The following RBFOX1 variants were observed in gnomAD, a reference collection of about 807,000 sequenced individuals.
RBFOX1 encodes RNA binding protein fox-1 homolog 1.
A neutral mutation model predicts 57.7 loss-of-function variants in RBFOX1; 8 were observed. The ratio of observed to expected loss-of-function variants is 0.14; its 90% CI spans 0.08 to 0.25. The LOEUF (loss-of-function observed/expected upper bound fraction) is 0.25, where lower values mean the gene tolerates loss of function less well. Among genes scored for constraint, RBFOX1 ranks in the 10% least tolerant of loss-of-function variants. The probability of loss-of-function intolerance (pLI) is 1.00; values close to 1 mark genes in which losing one functional copy is unlikely to be tolerated. For missense variants in RBFOX1, 611 were observed against 548.5 expected, an observed-to-expected ratio of 1.11 and a Z score of -1.14; for synonymous variants, 326 against 222.4, an observed-to-expected ratio of 1.47 and a Z score of -4.15.
At chr16:7,392,279 C>A (rs961679432) in intron 4 of RBFOX1, among the ~76,000 whole-genome samples, 1 of 152,106 alleles carries the variant, frequency 6.6e-6, no homozygotes, top group African/African-American at 2.4e-5. Context: ...CCCTGTAGTC[C>A]CCTTGTATAG....
At chr16:6,572,382 T>A (rs1055834144) in intron 2 of RBFOX1, among the ~76,000 whole-genome samples, 1 of 152,198 alleles carries the variant, frequency 6.6e-6, no homozygotes, top group African/African-American at 2.4e-5. Context: ...TGAAGAACGT[T>A]TTAAATCTAC....
At chr16:5,955,118 TA>T (rs34488881) in intron 4 of RBFOX1, among the ~76,000 whole-genome samples, 3,264 of 13,738 alleles carry the variant, frequency 0.24, 319 homozygotes, top group Middle Eastern at 0.4. Context: ...CCATCTCTAC[TA>T]AAAAAAAAAA....
chr16:6,574,830 C>T (rs1250644368), intron 2 of RBFOX1, among the ~76,000 whole-genome samples: 108 of 149,924 alleles, frequency 7.2e-4, no homozygotes, highest in African/African-American at 1.9e-3. Flanking sequence ...CGAGGTCAGG[C>T]GATCCAGACC....
intron 1 of RBFOX1, among the ~76,000 whole-genome samples, chr16:6,124,087 C>T (rs544224019): frequency 1.3e-5 from 2 of 152,258 alleles, no homozygotes; most frequent in South Asian, 2.1e-4. Flanking sequence ...ACTGGTAACT[C>T]GTGGGCTGGA....
At chr16:6,539,050 G>C (rs545765345) in intron 2 of RBFOX1, among the ~76,000 whole-genome samples, 1 of 151,638 alleles carries the variant, frequency 6.6e-6, no homozygotes, top group African/African-American at 2.4e-5. Context: ...TTGAATAAAA[G>C]TCCCACTCCA....
intron 2 of RBFOX1, among the ~76,000 whole-genome samples, chr16:6,512,166 C>G (rs866361439): frequency 2.3e-4 from 35 of 150,242 alleles, no homozygotes; most frequent in African/African-American, 8.5e-4. Context: ...TGCCTGTGGT[C>G]CCACTTACTT....
At chr16:5,626,222 G>C (rs2048347535) in intron 3 of RBFOX1, among the ~76,000 whole-genome samples, 1 of 152,210 alleles carries the variant, frequency 6.6e-6, no homozygotes, top group Non-Finnish European at 1.5e-5. Flanking sequence ...CTGGAGGAAG[G>C]ATGGCTCAGA....
chr16:7,686,147 C>T (rs374631157), intron 14 of RBFOX1, among the ~76,000 whole-genome samples: 1 of 151,424 alleles, frequency 6.6e-6, no homozygotes, highest in Non-Finnish European at 1.5e-5. Flanking sequence ...GCAGCAGCAG[C>T]ATCACTGAAC....
At chr16:7,291,632 G>A (rs2141574254) in intron 4 of RBFOX1, among the ~76,000 whole-genome samples, 1 of 152,158 alleles carries the variant, frequency 6.6e-6, no homozygotes, top group South Asian at 2.1e-4. Flanking sequence ...AGCATGTGCA[G>A]ATGCGTTTGT....
At chr16:7,600,507 G>C (rs533587089) in intron 9 of RBFOX1, among the ~76,000 whole-genome samples, 5 of 152,138 alleles carry the variant, frequency 3.3e-5, no homozygotes, top group East Asian at 3.9e-4. Flanking sequence ...GGCAAAAGAG[G>C]GTAAGTCGGG....
chr16:5,959,092 C>G (rs1472587386), intron 4 of RBFOX1, among the ~76,000 whole-genome samples: 2 of 152,304 alleles, frequency 1.3e-5, no homozygotes, highest in Admixed American at 1.3e-4. Flanking sequence ...CAGAGAAAGG[C>G]TTGTTATGTG....
At chr16:6,398,568 C>G (rs762556358) in intron 2 of RBFOX1, among the ~76,000 whole-genome samples, 6 of 152,078 alleles carry the variant, frequency 3.9e-5, no homozygotes, top group Non-Finnish European at 7.4e-5. Context: ...GACTACAGGT[C>G]CCATGTGAGT....
intron 9 of RBFOX1, among the ~76,000 whole-genome samples, chr16:7,600,142 C>CA (rs2094933649): frequency 6.6e-6 from 1 of 152,156 alleles, no homozygotes; most frequent in African/African-American, 2.4e-5. Context: ...GCCATGCACT[C>CA]AGTTTCCAGG....
intron 2 of RBFOX1, among the ~76,000 whole-genome samples, chr16:5,584,940 A>G (rs1329260160): frequency 1.3e-5 from 2 of 152,070 alleles, no homozygotes; most frequent in Non-Finnish European, 2.9e-5. Flanking sequence ...AATACGGTCA[A>G]AGCACAAAGG....
intron 1 of RBFOX1, among the ~76,000 whole-genome samples, chr16:6,289,216 AC>A (rs1297921274): frequency 6.6e-6 from 1 of 152,292 alleles, no homozygotes; most frequent in Non-Finnish European, 1.5e-5. Context: ...TGCAGATGTC[AC>A]AGAGGTATTC....
At position 6,863,566 on chromosome 16, in the gene RBFOX1, C is replaced by T. The variant is rs577913429; in HGVS notation, c.-15-188491C>T. Among the ~76,000 whole-genome samples, 6 of 149,112 alleles carry T rather than the reference C, an allele frequency of 4.0e-5. No individual in the cohort carries two copies. In the East Asian group the frequency reaches 5.9e-4, roughly 15 times the overall value. ...TGGTTACATAGATAAATGTAAATAA[C>T]ATTAAAGATGTGATCTGTTCCTGGA... is the stretch of plus-strand genomic sequence containing the variant. On this transcript the variant is annotated intron_variant, in intron 3 of 15. Coordinates refer to ENST00000550418, the MANE Select transcript of RBFOX1 (RefSeq NM_018723.4).
chr16:5,758,155 A>G (rs773151348), intron 3 of RBFOX1, among the ~76,000 whole-genome samples: 1 of 152,206 alleles, frequency 6.6e-6, no homozygotes, highest in Non-Finnish European at 1.5e-5. Flanking sequence ...AGACTCCACT[A>G]ATTAGCGTTT....
At chr16:6,981,651 C>T (rs893126458) in intron 3 of RBFOX1, among the ~76,000 whole-genome samples, 1 of 152,120 alleles carries the variant, frequency 6.6e-6, no homozygotes, top group Non-Finnish European at 1.5e-5. Context: ...TAGTGGCAAG[C>T]CAGAGAATTT....
At chr16:7,626,663 G>C (rs1036575003) in intron 10 of RBFOX1, among the ~76,000 whole-genome samples, 1 of 152,110 alleles carries the variant, frequency 6.6e-6, no homozygotes, top group Admixed American at 6.5e-5. Flanking sequence ...ACGTGAAGTA[G>C]ATTGAAGCTA....
Sources: gnomAD v4.1 joint callset for allele counts (sites outside exome capture counted in the v4.1 genomes callset) on GRCh38, gnomAD v4.1.1 for gene constraint, MANE v1.5 for transcripts, NCBI Gene and HGNC (gene_info 2026-07-23, HGNC 2026-07-21) for gene names.